Variants in UGT2B4 observed in about 807,000 individuals in gnomAD.
UGT2B4 encodes the protein UDP-glucuronosyltransferase 2B4.
UGT2B4 carries 49 observed loss-of-function variants against 49.8 expected under a neutral mutation model. The observed-to-expected ratio is 0.98, with a 90% CI of 0.78 to 1.25. The LOEUF is 1.25. Ranked by LOEUF, UGT2B4 falls within the 50% of genes most tolerant of loss-of-function variation. The pLI is 0.00. For synonymous variants in UGT2B4, 246 were observed against 217.7 expected, an observed-to-expected ratio of 1.13 and a Z score of -1.14; for missense variants, 729 against 627.7, an observed-to-expected ratio of 1.16 and a Z score of -1.73.
At chr4:69,504,212 C>G (rs918038604) in intron 1 of UGT2B4, among the ~76,000 whole-genome samples, 1 of 152,124 alleles carries the variant, frequency 6.6e-6, no homozygotes, top group Non-Finnish European at 1.5e-5. Context: ...GGTTCAGAAC[C>G]AGGCTGAGGC....
chr4:69,480,978 CCT>C, intron 5 of UGT2B4, 68 bp from the exon 6 acceptor site: 11 of 1,550,810 alleles, frequency 7.1e-6, no homozygotes, highest in Non-Finnish European at 9.6e-6. Context: ...GAGGCTCACA[CCT>C]GCAATCCCAG....
rs771821155 is a variant in UGT2B4 at position 69,480,627 on chromosome 4, G to A, written c.*7C>T. 1.3e-5 allele frequency: 21 copies of A among 1,612,480 alleles called. No individual in the cohort carries two copies. Among genetic ancestry groups the A allele is most frequent in the Non-Finnish European group, 1.7e-5 (20 of 1,178,808 alleles). ...TTGGGTTTCCCAGCTTCCAGCCTCA[G>A]ACGTAATTAATCTCTTTTCCCCTTC... On this transcript the variant is annotated 3_prime_UTR_variant, in exon 6 of 6. Transcript: ENST00000305107.
At chr4:69,496,000 G>A (rs1057125759), upstream of UGT2B4, 6 of 1,340,294 alleles carry the variant, frequency 4.5e-6, no homozygotes, top group Non-Finnish European at 6.0e-6. Context: ...AACAGTCTGA[G>A]CATGTGGATG....
At chr4:69,500,657 G>GAAAGAAAGAAAGAAAGAAAGAAAGAA (rs1560438414), upstream of UGT2B4, among the ~76,000 whole-genome samples, 2 of 119,058 alleles carry the variant, frequency 1.7e-5, no homozygotes, top group African/African-American at 5.2e-5. Context: ...AAGAAAGAAA[G>GAAAGAAAGAAAGAAAGAAAGAAAGAA]AAAGAAAGAA....
chr4:69,488,277 T>G (rs1727853918), intron 3 of UGT2B4, among the ~76,000 whole-genome samples: 1 of 152,190 alleles, frequency 6.6e-6, no homozygotes, highest in Non-Finnish European at 1.5e-5. Context: ...TTTGGTCAAT[T>G]GATTGTTAAC....
chr4:69,510,597 G>A (rs1728580100), intron 1 of UGT2B4, among the ~76,000 whole-genome samples: 2 of 151,890 alleles, frequency 1.3e-5, no homozygotes, highest in Non-Finnish European at 2.9e-5. Context: ...TTCTGTATAG[G>A]ATTCTTTTTC....
At chr4:69,485,982 A>T (rs975771693) in intron 4 of UGT2B4, among the ~76,000 whole-genome samples, 5 of 152,064 alleles carry the variant, frequency 3.3e-5, no homozygotes, top group Non-Finnish European at 5.9e-5. Flanking sequence ...GATGGTCTTG[A>T]ACTCCTGAGC....
At chr4:69,493,389 G>A (rs965734845) in intron 2 of UGT2B4, among the ~76,000 whole-genome samples, 1 of 152,102 alleles carries the variant, frequency 6.6e-6, no homozygotes, top group East Asian at 1.9e-4. Flanking sequence ...TACCTGTGGT[G>A]TGTGCTAATC....
chr4:69,493,594 C>A, intron 2 of UGT2B4, 99 bp downstream of exon 2: 1 of 1,420,258 alleles, frequency 7.0e-7, no homozygotes, highest in Non-Finnish European at 9.3e-7. Flanking sequence ...ACTCTTCCCA[C>A]TTCCACCTTT....
In UGT2B4 at chr4:69,487,448, A is replaced by G. The variant is rs1324444942; in HGVS notation, c.1003-752T>C. On this transcript the variant is annotated intron_variant, in intron 3 of 5. Transcript: ENST00000305107. Reference sequence around the variant, plus strand: ...ACAAGATCATGTATTTTTCAGGAACATAAGTGAGCTGCAGTCCATTATCCC... The same window carrying G: ...ACAAGATCATGTATTTTTCAGGAACGTAAGTGAGCTGCAGTCCATTATCCC... Among the ~76,000 whole-genome samples the G allele has an allele frequency of 4.6e-5, 7 of 152,212 alleles. No individual in the cohort carries two copies. The East Asian group carries it at 1.3e-3, about 29-fold the overall frequency.
At chr4:69,521,492 TACC>T (rs1212621793) in intron 1 of UGT2B4, among the ~76,000 whole-genome samples, 1 of 152,166 alleles carries the variant, frequency 6.6e-6, no homozygotes, top group Non-Finnish European at 1.5e-5. Flanking sequence ...ACAGAACTGG[TACC>T]TGTGCTGGTG....
chr4:69,515,082 T>C (rs1288877145), intron 1 of UGT2B4, among the ~76,000 whole-genome samples: 2 of 152,154 alleles, frequency 1.3e-5, no homozygotes, highest in African/African-American at 4.8e-5. Flanking sequence ...TAGGACACTG[T>C]AACACCCTAC....
intron 5 of UGT2B4, among the ~76,000 whole-genome samples, chr4:69,481,853 C>T (rs1727602230): frequency 6.6e-6 from 1 of 152,148 alleles, no homozygotes; most frequent in Admixed American, 6.5e-5. Context: ...TTCTATTCTA[C>T]TCTTTGTGTC....
At chr4:69,509,226 C>T (rs1266110922) in intron 1 of UGT2B4, among the ~76,000 whole-genome samples, 1 of 135,604 alleles carries the variant, frequency 7.4e-6, no homozygotes, top group African/African-American at 2.7e-5. Context: ...ACTGGCAATG[C>T]AGTGGCAGGA....
At chr4:69,506,311 T>G (rs987015689) in intron 1 of UGT2B4, among the ~76,000 whole-genome samples, 42 of 151,256 alleles carry the variant, frequency 2.8e-4, no homozygotes, top group African/African-American at 9.5e-4. Context: ...TTGAAACAAA[T>G]TAACAAAATA....
intron 1 of UGT2B4, among the ~76,000 whole-genome samples, chr4:69,504,838 T>A (rs964388588): frequency 5.9e-5 from 9 of 151,956 alleles, no homozygotes; most frequent in African/African-American, 1.9e-4. Flanking sequence ...AAACAAATGT[T>A]ACAGAAAGAT....
chr4:69,494,085 A>G (rs2109813312), intron 1 of UGT2B4, among the ~76,000 whole-genome samples: 1 of 152,268 alleles, frequency 6.6e-6, no homozygotes, highest in East Asian at 1.9e-4. Context: ...CCCTCATGTC[A>G]CATCAGTATA....
chr4:69,493,160 T>G (rs548310446), intron 2 of UGT2B4, among the ~76,000 whole-genome samples: 3 of 152,258 alleles, frequency 2.0e-5, no homozygotes, highest in Middle Eastern at 3.4e-3. Flanking sequence ...TTTTCTCTTC[T>G]TCATTCTTTT....
At chr4:69,514,018 T>A (rs1728671717) in intron 1 of UGT2B4, among the ~76,000 whole-genome samples, 1 of 148,520 alleles carries the variant, frequency 6.7e-6, no homozygotes, top group South Asian at 2.1e-4. Context: ...AATTTTTTTT[T>A]ATTACTATCC....
Sources: allele counts gnomAD v4.1 joint callset (sites outside exome capture counted in the v4.1 genomes callset), GRCh38; gene constraint gnomAD v4.1.1; transcripts MANE v1.5; gene names NCBI Gene and HGNC (gene_info 2026-07-23, HGNC 2026-07-21).